NAALADL2: variants seen among roughly 807,000 people sequenced by gnomAD.
The protein encoded by NAALADL2 is N-acetylated alpha-linked acidic dipeptidase like 2.
In NAALADL2, 76 loss-of-function variants were observed where a neutral mutation model predicts 87.2. The ratio of observed to expected loss-of-function variants is 0.87; its 90% CI spans 0.72 to 1.05. NAALADL2 has a LOEUF of 1.05. Among genes scored for constraint, NAALADL2 ranks in the 50% least tolerant of loss-of-function variants. The probability of loss-of-function intolerance (pLI) is 0.00; values close to 1 mark genes in which losing one functional copy is unlikely to be tolerated. For synonymous variants in NAALADL2, 354 were observed against 331.0 expected (o/e 1.07, Z -0.75); for missense variants, 1,089 against 945.8 (o/e 1.15, Z -1.99).
At chr3:174,902,086 G>A (rs1234709748) in intron 1 of NAALADL2, among the ~76,000 whole-genome samples, 1 of 152,064 alleles carries the variant, frequency 6.6e-6, no homozygotes, top group Admixed American at 6.6e-5. Flanking sequence ...TCTGATGCAG[G>A]GCATGATCTA....
intron 1 of NAALADL2, among the ~76,000 whole-genome samples, chr3:174,962,219 T>C (rs1410020464): frequency 6.6e-6 from 1 of 151,568 alleles, no homozygotes; most frequent in Non-Finnish European, 1.5e-5. Context: ...CCTCAGCCAA[T>C]AGGCTGACTG....
chr3:175,425,850 T>C (rs1017649445), intron 5 of NAALADL2, among the ~76,000 whole-genome samples: 1 of 152,150 alleles, frequency 6.6e-6, no homozygotes, highest in Admixed American at 6.6e-5. Context: ...TATAAATATA[T>C]TTAAGTAATC....
chr3:175,445,946 C>T (rs559758261), intron 5 of NAALADL2, among the ~76,000 whole-genome samples: 6 of 152,184 alleles, frequency 3.9e-5, no homozygotes, highest in Non-Finnish European at 5.9e-5. Flanking sequence ...GGTCTGCTGC[C>T]GAGGGGCCGG....
chr3:174,686,575 G>A (rs1728062183), intron 2 of NAALADL2, among the ~76,000 whole-genome samples: 2 of 151,854 alleles, frequency 1.3e-5, no homozygotes, highest in South Asian at 4.1e-4. Flanking sequence ...AAACAGCATG[G>A]TATTGGTACA....
chr3:175,370,619 C>A (rs928019668), intron 5 of NAALADL2, among the ~76,000 whole-genome samples: 2 of 152,174 alleles, frequency 1.3e-5, no homozygotes, highest in African/African-American at 4.8e-5. Flanking sequence ...GCTGACTCTA[C>A]ATGTGTAGCT....
At chr3:174,565,008 C>A (rs1283231099) in intron 2 of NAALADL2, among the ~76,000 whole-genome samples, 1 of 151,868 alleles carries the variant, frequency 6.6e-6, no homozygotes, top group East Asian at 1.9e-4. Flanking sequence ...TATGCAAATT[C>A]CAATTTCTTC....
At chr3:174,818,772 A>C (rs887262280) in intron 3 of NAALADL2, among the ~76,000 whole-genome samples, 2 of 152,060 alleles carry the variant, frequency 1.3e-5, no homozygotes, top group Non-Finnish European at 2.9e-5. Flanking sequence ...GGATAGACCA[A>C]GTCTATGTGG....
chr3:174,509,733 CCTTT>C (rs1719476795), intron 1 of NAALADL2, among the ~76,000 whole-genome samples: 1 of 151,444 alleles, frequency 6.6e-6, no homozygotes, highest in Non-Finnish European at 1.5e-5. Flanking sequence ...GCTGTCTCTT[CCTTT>C]CTAATTAGGG....
intron 2 of NAALADL2, among the ~76,000 whole-genome samples, chr3:175,184,761 A>G (rs138484217): frequency 1.8e-3 from 271 of 152,234 alleles, no homozygotes; most frequent in Admixed American, 3.1e-3. Context: ...GGCATTTACT[A>G]GCTATATTCC....
chr3:174,964,012 TC>T (rs1396770783), intron 1 of NAALADL2, among the ~76,000 whole-genome samples: 1 of 141,938 alleles, frequency 7.0e-6, no homozygotes, highest in Non-Finnish European at 1.5e-5. Flanking sequence ...CCATACTTTT[TC>T]GCATGTTATT....
chr3:175,508,818 G>T (rs1730721239), intron 9 of NAALADL2, among the ~76,000 whole-genome samples: 3 of 151,522 alleles, frequency 2.0e-5, no homozygotes. Context: ...ACATTACATT[G>T]TCTTTAAGAT....
chr3:175,109,523 C>T (rs1723817248), intron 2 of NAALADL2, among the ~76,000 whole-genome samples: 1 of 150,984 alleles, frequency 6.6e-6, no homozygotes, highest in South Asian at 2.1e-4. Context: ...CAAAATCACA[C>T]ATTGTAGTAG....
intron 2 of NAALADL2, among the ~76,000 whole-genome samples, chr3:175,167,952 C>T (rs1390877113): frequency 6.6e-6 from 1 of 151,926 alleles, no homozygotes; most frequent in African/African-American, 2.4e-5. Flanking sequence ...ATCACTGACT[C>T]ATGTATTAAT....
chr3:174,822,074 A>C (rs1721484547), intron 3 of NAALADL2, among the ~76,000 whole-genome samples: 1 of 152,192 alleles, frequency 6.6e-6, no homozygotes, highest in African/African-American at 2.4e-5. Flanking sequence ...TAGGGATATC[A>C]AAGTCAAATA....
intron 2 of NAALADL2, among the ~76,000 whole-genome samples, chr3:175,100,571 G>A (rs1028597773): frequency 1.2e-4 from 18 of 152,046 alleles, no homozygotes; most frequent in African/African-American, 4.3e-4. Flanking sequence ...GGGGCAGTGG[G>A]TAATGCCTGT....
chr3:174,543,719 A>G (rs1722473604), intron 1 of NAALADL2, among the ~76,000 whole-genome samples: 2 of 152,138 alleles, frequency 1.3e-5, no homozygotes, highest in Non-Finnish European at 2.9e-5. Context: ...TAAAAGTCAC[A>G]TAGGCTGGCC....
rs9862976 is a variant in NAALADL2 at position 174,873,999 on chromosome 3, G to T, written c.43+14549G>T. 9.0e-3 allele frequency among the ~76,000 whole-genome samples: 1,369 copies of T among 152,166 alleles called. 19 individuals carry two copies. Among genetic ancestry groups the T allele is most frequent in the African/African-American group, 0.031 (1,296 of 41,512 alleles). The stretch of plus-strand genomic sequence containing the variant: ...TGTGTTTGGAGAATTTTAAGCATTA[G>T]TTAATGATATTTGCCCAACAAACAT... On this transcript the variant is annotated intron_variant, in intron 1 of 13. Coordinates refer to ENST00000454872, the MANE Select transcript of NAALADL2 (RefSeq NM_207015.3).
At chr3:175,704,700 A>G (rs1739438068) in intron 11 of NAALADL2, among the ~76,000 whole-genome samples, 1 of 152,084 alleles carries the variant, frequency 6.6e-6, no homozygotes, top group Non-Finnish European at 1.5e-5. Flanking sequence ...AAATCTTTAA[A>G]ATTGGATATT....
chr3:174,475,579 T>C (rs111402494), intron 1 of NAALADL2, among the ~76,000 whole-genome samples: 2 of 151,988 alleles, frequency 1.3e-5, no homozygotes, highest in African/African-American at 4.8e-5. Context: ...ACTCTGAAAT[T>C]CCACCATTAA....
Sources: allele counts gnomAD v4.1 joint callset (sites outside exome capture counted in the v4.1 genomes callset), GRCh38; gene constraint gnomAD v4.1.1; transcripts MANE v1.5; gene names NCBI Gene and HGNC (gene_info 2026-07-23, HGNC 2026-07-21).